KCNG2: variants seen among roughly 807,000 people sequenced by gnomAD.
The protein encoded by KCNG2 is voltage-gated potassium channel regulatory subunit KCNG2.
A neutral mutation model predicts 12.3 loss-of-function variants in KCNG2; 7 were observed. The ratio of observed to expected loss-of-function variants is 0.57; its 90% CI spans 0.32 to 1.07. KCNG2 has a LOEUF of 1.07. Among genes scored for constraint, KCNG2 ranks in the 50% least tolerant of loss-of-function variants. The probability of loss-of-function intolerance (pLI) is 0.04; values close to 1 mark genes in which losing one functional copy is unlikely to be tolerated. For missense variants in KCNG2, 703 were observed against 726.0 expected (o/e 0.97, Z 0.36); for synonymous variants, 414 against 351.4 (o/e 1.18, Z -1.99).
intron 3 of KCNG2, among the ~76,000 whole-genome samples, chr18:79,873,095 CAGCA>C (rs1568265877): frequency 3.3e-5 from 5 of 152,104 alleles, no homozygotes; most frequent in East Asian, 1.9e-4. Flanking sequence ...ACAGGATGGG[CAGCA>C]GGGTGGGCCA....
intron 3 of KCNG2, among the ~76,000 whole-genome samples, chr18:79,897,707 A>G (rs1981028287): frequency 6.6e-6 from 1 of 151,918 alleles, no homozygotes; most frequent in African/African-American, 2.4e-5. Context: ...CCCTTTTGGT[A>G]GTCCCCATCC....
chr18:79,849,454 T>A (rs1020771886), intron 1 of KCNG2, among the ~76,000 whole-genome samples: 1 of 152,164 alleles, frequency 6.6e-6, no homozygotes, highest in African/African-American at 2.4e-5. Flanking sequence ...GGCAGGTGCG[T>A]CCGACCTCAT....
intron 1 of KCNG2, among the ~76,000 whole-genome samples, chr18:79,819,285 C>T (rs200146532): frequency 2.6e-5 from 4 of 152,304 alleles, no homozygotes; most frequent in South Asian, 2.1e-4. Flanking sequence ...GCAGCTCAGG[C>T]GGGCCAGCCT....
At chr18:79,889,715 G>A (rs951328454) in intron 3 of KCNG2, among the ~76,000 whole-genome samples, 2 of 152,290 alleles carry the variant, frequency 1.3e-5, no homozygotes, top group African/African-American at 2.4e-5. Flanking sequence ...CCTAGTAGGC[G>A]TCTGTGCACA....
At chr18:79,829,583 G>T (rs1359885458) in intron 1 of KCNG2, among the ~76,000 whole-genome samples, 3 of 152,016 alleles carry the variant, frequency 2.0e-5, no homozygotes, top group African/African-American at 7.2e-5. Context: ...CCCTATGGCT[G>T]GTCAGTCTCT....
At chr18:79,830,365 A>G (rs1239233413) in intron 1 of KCNG2, among the ~76,000 whole-genome samples, 3 of 152,258 alleles carry the variant, frequency 2.0e-5, no homozygotes, top group Non-Finnish European at 4.4e-5. Context: ...GCCCGGTGGC[A>G]GGAAACATGT....
At chr18:79,889,102 G>A (rs957615595) in intron 3 of KCNG2, among the ~76,000 whole-genome samples, 1 of 152,154 alleles carries the variant, frequency 6.6e-6, no homozygotes, top group African/African-American at 2.4e-5. Context: ...CATTGTGTGG[G>A]TTGTCTGTTC....
intron 1 of KCNG2, among the ~76,000 whole-genome samples, chr18:79,853,298 G>A (rs1160932110): frequency 2.0e-5 from 3 of 152,198 alleles, no homozygotes; most frequent in Admixed American, 1.3e-4. Context: ...GGGCTTCAGC[G>A]TGAACCAAGT....
intron 2 of KCNG2, among the ~76,000 whole-genome samples, chr18:79,859,179 A>G (rs897210163): frequency 6.6e-6 from 1 of 152,118 alleles, no homozygotes; most frequent in African/African-American, 2.4e-5. Context: ...GTTTTCTTCT[A>G]CGTGTGTTTT....
chr18:79,871,171 C>T (rs1024828170), intron 3 of KCNG2, among the ~76,000 whole-genome samples: 8 of 152,204 alleles, frequency 5.3e-5, no homozygotes, highest in African/African-American at 1.2e-4. Context: ...CTCCGGGGTC[C>T]GCCGTGAGGG....
intron 3 of KCNG2, among the ~76,000 whole-genome samples, chr18:79,883,711 A>T (rs571087439): frequency 2.6e-5 from 4 of 152,220 alleles, no homozygotes; most frequent in Non-Finnish European, 5.9e-5. Context: ...TGTCTGGTAA[A>T]GGTGAGGATG....
chr18:79,862,657 C>T (rs1369427966), intron 2 of KCNG2, among the ~76,000 whole-genome samples: 2 of 152,246 alleles, frequency 1.3e-5, no homozygotes, highest in African/African-American at 4.8e-5. Flanking sequence ...TAAATCATCT[C>T]ATTCCCCAGC....
At chr18:79,852,675 G>A (rs1254217749) in intron 1 of KCNG2, among the ~76,000 whole-genome samples, 6 of 152,356 alleles carry the variant, frequency 3.9e-5, no homozygotes, top group South Asian at 4.1e-4. Flanking sequence ...GCACCTGGGC[G>A]TGGGCCACCC....
chr18:79,831,793 TAGG>T (rs1568249821), intron 1 of KCNG2, among the ~76,000 whole-genome samples: 1 of 152,108 alleles, frequency 6.6e-6, no homozygotes, highest in Non-Finnish European at 1.5e-5. Flanking sequence ...GAGCCTTTGT[TAGG>T]AGGAGAGCCT....
At chr18:79,826,323 C>T (rs1035355548) in intron 1 of KCNG2, among the ~76,000 whole-genome samples, 2 of 152,256 alleles carry the variant, frequency 1.3e-5, no homozygotes, top group Non-Finnish European at 2.9e-5. Flanking sequence ...GGAGGCCCCT[C>T]CAGAGCCAGG....
At chr18:79,825,822 AAAAG>A (rs1471405062) in intron 1 of KCNG2, among the ~76,000 whole-genome samples, 1 of 152,264 alleles carries the variant, frequency 6.6e-6, no homozygotes, top group Non-Finnish European at 1.5e-5. Flanking sequence ...AAGGACAGAA[AAAAG>A]AAAGTAAAAA....
intron 1 of KCNG2, among the ~76,000 whole-genome samples, chr18:79,802,665 A>G (rs1247878292): frequency 6.6e-6 from 1 of 151,552 alleles, no homozygotes; most frequent in African/African-American, 2.4e-5. Flanking sequence ...CCTGGCAGAT[A>G]ACAGATTCTG....
intron 1 of KCNG2, among the ~76,000 whole-genome samples, chr18:79,836,378 G>A (rs1328763979): frequency 6.6e-6 from 1 of 152,140 alleles, no homozygotes; most frequent in Non-Finnish European, 1.5e-5. Context: ...TGAACCAAAG[G>A]ATGACAGAGT....
rs186270721 is a variant in KCNG2 at position 79,874,198 on chromosome 18, T to G, written c.624+9907T>G. ...TCCTGAACTGTGTTTTGTTGGCCGA[T>G]TGAAGAAAAGCTGTACAGCCACCGC... On this transcript the variant is annotated intron_variant, in intron 3 of 3. Transcript: ENST00000316249. 2.9e-3 allele frequency among the ~76,000 whole-genome samples: 436 copies of G among 152,286 alleles called. 12 individuals are homozygous for G. Among genetic ancestry groups the G allele is most frequent in the Middle Eastern group, 0.014 (4 of 294 alleles).
Sources: gnomAD v4.1 joint callset for allele counts (sites outside exome capture counted in the v4.1 genomes callset) on GRCh38, gnomAD v4.1.1 for gene constraint, MANE v1.5 for transcripts, NCBI Gene and HGNC (gene_info 2026-07-23, HGNC 2026-07-21) for gene names.